TNFAIP3: variants seen among roughly 807,000 people sequenced by gnomAD.
TNFAIP3 encodes tumor necrosis factor alpha-induced protein 3.
A neutral mutation model predicts 72.4 loss-of-function variants in TNFAIP3; 9 were observed. The ratio of observed to expected loss-of-function variants is 0.12; its 90% CI spans 0.07 to 0.22. TNFAIP3 has a LOEUF of 0.22. TNFAIP3 is among the 10% of genes least tolerant of loss of function. The probability of loss-of-function intolerance (pLI) is 1.00; values close to 1 mark genes in which losing one functional copy is unlikely to be tolerated. For missense variants in TNFAIP3, 833 were observed against 1,018.7 expected (o/e 0.82, Z 2.48); for synonymous variants, 339 against 372.6 (o/e 0.91, Z 1.04).
intron 1 of TNFAIP3, among the ~76,000 whole-genome samples, chr6:137,869,515 G>C (rs773003601): frequency 2.0e-4 from 31 of 152,310 alleles, no homozygotes; most frequent in Admixed American, 7.8e-4. Flanking sequence ...GACATCAAAA[G>C]AGAGCACCAT....
intron 3 of TNFAIP3, 96 bp downstream of exon 3, chr6:137,875,131 C>T (rs1410441175): frequency 3.5e-6 from 5 of 1,410,526 alleles, no homozygotes; most frequent in Non-Finnish European, 4.9e-6. Flanking sequence ...ATCTGATGGA[C>T]TAGGTCACAT....
intron 2 of TNFAIP3, among the ~76,000 whole-genome samples, chr6:137,874,334 G>A (rs1006265840): frequency 1.3e-4 from 20 of 152,356 alleles, no homozygotes; most frequent in African/African-American, 4.8e-4. Flanking sequence ...CAAGTCATTT[G>A]CCATTGAGTC....
intron 2 of TNFAIP3, among the ~76,000 whole-genome samples, chr6:137,873,904 A>G (rs629953): frequency 0.51 from 78,074 of 152,148 alleles, 23,628 homozygotes; most frequent in East Asian, 0.85. Context: ...GAGTAATGTA[A>G]GAAACAATGT....
In TNFAIP3 at chr6:137,882,690, G is replaced by T; in HGVS notation, c.*1371G>T. On this transcript the variant is annotated 3_prime_UTR_variant, in exon 9 of 9. Coordinates refer to ENST00000612899, the MANE Select transcript of TNFAIP3 (RefSeq NM_001270508.2). ...GGGAAAGATGTGGCCTTTTGTGATG[G>T]TTTTATTTTCTGTTAACACTGTGTC... 1 of 232,840 alleles carries T rather than the reference G, an allele frequency of 4.3e-6. No individual in the cohort carries two copies. The highest frequency in any genetic ancestry group is 6.0e-5 in the East Asian group (1 of 16,666). 14.4% of individuals were successfully genotyped at this position (232,840 alleles called of 1,614,324 possible). A position where few individuals can be genotyped will look rare whatever the true frequency, so the allele number is the denominator to read the frequency against.
At chr6:137,875,099 C>A in intron 3 of TNFAIP3, 64 bp downstream of exon 3, 1 of 1,573,862 alleles carries the variant, frequency 6.4e-7, no homozygotes. Flanking sequence ...TACCCCTGGG[C>A]GAGTCCCTGC....
chr6:137,878,478 T>C lies in TNFAIP3; in HGVS notation c.1033T>C (p.Tyr345His), dbSNP rs371548901. Reference protein sequence around the residue: ...LPKEINLVDDYFELVQHEYKK... With the variant: ...LPKEINLVDDHFELVQHEYKK... The stretch of plus-strand genomic sequence containing the variant: ...AAAAGAAATCAATCTGGTAGATGAT[T>C]ACTTTGAACTTGTTCAGCATGAGTA... The change falls in exon 7 of 9, where the codon TAC becomes CAC. Residue 345 changes from tyrosine to histidine, a missense_variant. By Grantham distance (83) the Tyr-to-His change is moderately conservative. Coordinates refer to ENST00000612899, the MANE Select transcript of TNFAIP3 (RefSeq NM_001270508.2). The C allele has an allele frequency of 1.2e-4, 201 of 1,613,656 alleles. No homozygotes were observed. The highest frequency in any genetic ancestry group is 1.6e-4 in the Non-Finnish European group (187 of 1,179,652).
rs1776436980 is a variant in TNFAIP3 at position 137,881,074 on chromosome 6, A to G, written c.2128A>G (p.Ser710Gly). 1 of 1,613,530 alleles carries G rather than the reference A, an allele frequency of 6.2e-7. No individual in the cohort carries two copies. The highest frequency in any genetic ancestry group is 8.5e-7 in the Non-Finnish European group (1 of 1,179,754). The change falls in exon 9 of 9, where the codon AGC (serine) becomes GGC (glycine). Residue 710 changes from serine (S) to glycine (G), a missense_variant. Physicochemically the swap from Ser to Gly is moderately conservative, Grantham distance 56 (BLOSUM62 0). This residue lies in a region of TNFAIP3 where 587 missense variants were observed against 657.8 expected (regional missense o/e 0.89). Coordinates refer to ENST00000612899, the MANE Select transcript of TNFAIP3 (RefSeq NM_001270508.2). The surrounding 1 kb of genome is among the most constrained non-coding windows in gnomAD (Gnocchi z 5.0). ...QRRDVPRTTQ[S>G]TSRPKCARAS... Reference sequence around the variant, plus strand: ...CAGAGATGTGCCTCGAACCACACAAAGCACCTCAAGGCCCAAGTGCGCCCG... The same window carrying G: ...CAGAGATGTGCCTCGAACCACACAAGGCACCTCAAGGCCCAAGTGCGCCCG...
At chr6:137,874,762 G>A in intron 2 of TNFAIP3, 83 bp from the exon 3 acceptor site, 4 of 1,377,982 alleles carry the variant, frequency 2.9e-6, no homozygotes, top group Middle Eastern at 2.6e-4. Flanking sequence ...TAGCAGTAGG[G>A]CTGGTTTATT....
chr6:137,882,960 A>G lies in TNFAIP3; in HGVS notation c.*1641A>G, dbSNP rs1021097310. The G allele has an allele frequency of 4.4e-6, 1 of 225,164 alleles. No individual in the cohort carries two copies. The highest frequency in any genetic ancestry group is 8.8e-6 in the Non-Finnish European group (1 of 113,274). The allele number at this position is 225,164 out of a possible 1,614,324, so 13.9% of individuals were successfully genotyped here. A position where few individuals can be genotyped will look rare whatever the true frequency, so the allele number is the denominator to read the frequency against. On this transcript the variant is annotated 3_prime_UTR_variant, in exon 9 of 9. Coordinates refer to ENST00000612899, the MANE Select transcript of TNFAIP3 (RefSeq NM_001270508.2). ...TATGGCCTGAAAATATTTGTGATCC[A>G]TAACTCTACACAGCCTTTACTCATA...
Position 137,877,062 on chromosome 6 carries a change from A to T in TNFAIP3, c.806-14A>T, listed in dbSNP as rs1256699404. 11 of 1,573,362 alleles carry T rather than the reference A, an allele frequency of 7.0e-6. No homozygotes were observed. In the Admixed American group the frequency reaches 2.1e-4, roughly 29 times the overall value. On this transcript the variant is annotated splice_polypyrimidine_tract_variant and intron_variant, in intron 5 of 8. Coordinates refer to ENST00000612899, the MANE Select transcript of TNFAIP3 (RefSeq NM_001270508.2). ...TAGAATACTGTTTTACTTATGTATTATTTTTTTCCTTAGAAATCCGAGCTG... is the reference window on the plus strand; with the variant it reads ...TAGAATACTGTTTTACTTATGTATTTTTTTTTTCCTTAGAAATCCGAGCTG...
At position 137,871,388 on chromosome 6, in the gene TNFAIP3, G is replaced by T. The variant is rs1407911658; in HGVS notation, c.161G>T (p.Cys54Phe). The T allele has an allele frequency of 6.2e-7, 1 of 1,614,140 alleles. No homozygotes were observed. Among genetic ancestry groups the T allele is most frequent in the Admixed American group, 1.7e-5 (1 of 60,022 alleles). The change falls in exon 2 of 9, where the codon TGC (cysteine) becomes TTC (phenylalanine). Residue 54 changes from cysteine (C) to phenylalanine (F), a missense_variant. Transcript: ENST00000612899. This position sits in a 1 kb window ranked among gnomAD's most constrained non-coding sequence, Gnocchi z 4.2. Reference protein sequence around the residue: ...HRYTLEMFRTCQFCPQFREII... With the variant: ...HRYTLEMFRTFQFCPQFREII... ...TACACACTGGAAATGTTCAGAACTTGCCAGTTTTGTCCTCAGTTTCGGGAG... is the reference window on the plus strand; with the variant it reads ...TACACACTGGAAATGTTCAGAACTTTCCAGTTTTGTCCTCAGTTTCGGGAG...
At chr6:137,872,772 C>T (rs1227354659) in intron 2 of TNFAIP3, among the ~76,000 whole-genome samples, 2 of 152,212 alleles carry the variant, frequency 1.3e-5, no homozygotes, top group East Asian at 1.9e-4. Flanking sequence ...GTCATCATCA[C>T]GGGGTTTATG....
At chr6:137,877,027 C>A in intron 5 of TNFAIP3, 49 bp from the exon 6 acceptor site, 1 of 1,379,342 alleles carries the variant, frequency 7.2e-7, no homozygotes, top group Admixed American at 2.3e-5. Flanking sequence ...TTACCTATGG[C>A]CTTGTTTAGT....
rs1296079196 is a variant in TNFAIP3 at position 137,881,353 on chromosome 6, G to A, written c.*34G>A. The A allele has an allele frequency of 6.6e-7, 1 of 1,519,636 alleles. No homozygotes were observed. The highest frequency in any genetic ancestry group is 2.3e-5 in the East Asian group (1 of 43,974). The allele number at this position is 1,519,636 out of a possible 1,614,324, so 94.1% of individuals were successfully genotyped here. A position where few individuals can be genotyped will look rare whatever the true frequency, so the allele number is the denominator to read the frequency against. The stretch of plus-strand genomic sequence containing the variant: ...AGGTGGGTCACCTCCTGCAAGAAGT[G>A]GGGCCTCGAGCTGTCAGTCATCATG... On this transcript the variant is annotated 3_prime_UTR_variant, in exon 9 of 9. Transcript: ENST00000612899. The surrounding 1 kb of genome is among the most constrained non-coding windows in gnomAD (Gnocchi z 5.0).
chr6:137,879,419 A>C (rs1179757367), intron 7 of TNFAIP3, 68 bp downstream of exon 7: 3 of 1,513,870 alleles, frequency 2.0e-6, no homozygotes, highest in Non-Finnish European at 2.7e-6. Context: ...CCTGACCTTT[A>C]AGAAAAAAAG....
At chr6:137,872,824 C>G (rs1455807005) in intron 2 of TNFAIP3, among the ~76,000 whole-genome samples, 1 of 151,974 alleles carries the variant, frequency 6.6e-6, no homozygotes, top group East Asian at 1.9e-4. Flanking sequence ...CATTTGTTAC[C>G]AAAAAGAGAT....
At position 137,880,057 on chromosome 6, in the gene TNFAIP3, C is replaced by G. The variant is rs373579914; in HGVS notation, c.1907-14C>G. 1.2e-6 allele frequency: 2 copies of G among 1,613,442 alleles called. No homozygotes were observed. Among genetic ancestry groups the G allele is most frequent in the Non-Finnish European group, 1.7e-6 (2 of 1,179,636 alleles). Reference sequence around the variant, plus strand: ...ACCCCTATGTGGTACTAACTAGCATCCATTCTCATGTAGATTTTGCTGCTG... The same window carrying G: ...ACCCCTATGTGGTACTAACTAGCATGCATTCTCATGTAGATTTTGCTGCTG... On this transcript the variant is annotated splice_polypyrimidine_tract_variant and intron_variant, in intron 7 of 8. Coordinates refer to ENST00000612899, the MANE Select transcript of TNFAIP3 (RefSeq NM_001270508.2).
rs1234637637 is a variant in TNFAIP3 at position 137,880,272 on chromosome 6, T to G, written c.2088+20T>G. On this transcript the variant is annotated intron_variant, in intron 8 of 8. Transcript: ENST00000612899. Reference sequence around the variant, plus strand: ...CAACTGGTGAGACACTTGGAGGAGCTTTCCCTCCCTCCCGTGTGTTCGATG... The same window carrying G: ...CAACTGGTGAGACACTTGGAGGAGCGTTCCCTCCCTCCCGTGTGTTCGATG... The G allele has an allele frequency of 1.9e-6, 3 of 1,613,134 alleles. No homozygotes were observed. In the South Asian group the frequency reaches 3.3e-5, roughly 18 times the overall value.
chr6:137,868,879 A>G (rs566098510), intron 1 of TNFAIP3, among the ~76,000 whole-genome samples: 91 of 152,214 alleles, frequency 6.0e-4, no homozygotes, highest in Non-Finnish European at 1.2e-3. Flanking sequence ...ATGAGATCAC[A>G]CTGGCGTATC....
Sources: gnomAD v4.1 joint callset for allele counts (sites outside exome capture counted in the v4.1 genomes callset) on GRCh38, gnomAD v4.1.1 for gene constraint, gnomAD v4.1.1 regional missense constraint, Gnocchi (gnomAD v3.1) non-coding constraint, MANE v1.5 for transcripts, NCBI Gene and HGNC (gene_info 2026-07-23, HGNC 2026-07-21) for gene names.